Variants in CELSR2 observed in about 807,000 individuals in gnomAD.
CELSR2 encodes the protein cadherin EGF LAG seven-pass G-type receptor 2, also known as EGF-like protein 2.
CELSR2 carries 81 observed loss-of-function variants against 251.6 expected under a neutral mutation model. The ratio of observed to expected loss-of-function variants is 0.32; its 90% confidence interval spans 0.27 to 0.39. CELSR2 has a LOEUF of 0.39. CELSR2 is among the 10% of genes least tolerant of loss of function. The pLI, the probability that CELSR2 is intolerant of heterozygous loss-of-function variation, is 1.00. For missense variants in CELSR2, 3,365 were observed against 3,947.7 expected, an observed-to-expected ratio of 0.85 and a Z score of 3.96; for synonymous variants, 1,721 against 1,670.5, an observed-to-expected ratio of 1.03 and a Z score of -0.74.
In CELSR2 at chr1:109,273,229, G is replaced by T. The variant is rs201868117; in HGVS notation, c.8402G>T (p.Ser2801Ile). ...PGDFGTTAKESSGNGAPEERL... is the reference protein window; with the variant it reads ...PGDFGTTAKEISGNGAPEERL... ...GACTTTGGGACCACAGCAAAAGAGA[G>T]TAGTGGCAACGGGGCCCCTGAGGAG... The change falls in exon 32 of 34, where the codon AGT becomes ATT. Residue 2801 changes from serine (S) to isoleucine (I), a missense_variant. Physicochemically the swap from Ser to Ile is moderately radical, Grantham distance 142 (BLOSUM62 -2). This residue lies in a region of CELSR2 where 2,093 missense variants were observed against 2,382.8 expected (regional missense o/e 0.88). Coordinates refer to ENST00000271332, the MANE Select transcript of CELSR2 (RefSeq NM_001408.3). 2 of 1,613,592 alleles carry T rather than the reference G, an allele frequency of 1.2e-6. No homozygotes were observed. Among genetic ancestry groups the T allele is most frequent in the Admixed American group, 1.7e-5 (1 of 59,904 alleles).
rs150411435 is a variant in CELSR2 at position 109,252,662 on chromosome 1, C to T, written c.2583C>T (p.Asp861=). ...CCTTCCAAGGAGGCGACGATGGAGA[C>T]GGTGACTTTATTGTTGAGTCCACGT... ...FYTFQGGDDG[D]GDFIVESTSG... Residue 861 remains aspartate (D), a synonymous_variant, in exon 1 of 34, where the codon GAC becomes GAT. Transcript: ENST00000271332. The surrounding 1 kb of genome is among the most constrained non-coding windows in gnomAD (Gnocchi z 4.8). 6.7e-4 allele frequency: 1,082 copies of T among 1,613,902 alleles called. 21 individuals carry two copies. The South Asian group carries it at 0.011, about 17-fold the overall frequency.
chr1:109,272,292 C>T lies in CELSR2; in HGVS notation c.7941C>T (p.Pro2647=). 2.5e-6 allele frequency: 4 copies of T among 1,603,632 alleles called. No homozygotes were observed. The highest frequency in any genetic ancestry group is 3.4e-6 in the Non-Finnish European group (4 of 1,172,808). The change falls in exon 29 of 34, where the codon CCC becomes CCT. Residue 2647 remains proline (P), a synonymous_variant. Transcript: ENST00000271332. Reference sequence around the variant, plus strand: ...TCCCTGCCTAGTCCTACAACTGCCCCAGCCCCTACGCAGATGGGCGGCTGT... The same window carrying T: ...TCCCTGCCTAGTCCTACAACTGCCCTAGCCCCTACGCAGATGGGCGGCTGT... ...KSTLTSSYNC[P]SPYADGRLYQ... is the part of the protein sequence containing the mutation.
In CELSR2 at chr1:109,269,285, C is replaced by G; in HGVS notation, c.6807C>G (p.Ser2269Arg). The change falls in exon 20 of 34, where the codon AGC becomes AGG. Residue 2269 changes from serine to arginine, a missense_variant. By Grantham distance (110) the Ser-to-Arg change is moderately radical. Around this residue, in one of 5 missense-constraint regions of CELSR2, gnomAD observed 2,093 missense variants for 2,382.8 expected, o/e 0.88. Coordinates refer to ENST00000271332, the MANE Select transcript of CELSR2 (RefSeq NM_001408.3). This position sits in a 1 kb window ranked among gnomAD's most constrained non-coding sequence, Gnocchi z 6.4. ...LPHNYDPDKR[S>R]LRVPKRPIIN... The stretch of plus-strand genomic sequence containing the variant: ...ATAACTATGACCCTGACAAGCGCAG[C>G]TTGAGGTCAGCAGCTAGGGGACAGG... The G allele has an allele frequency of 1.2e-6, 2 of 1,613,224 alleles. No homozygotes were observed. The highest frequency in any genetic ancestry group is 1.7e-6 in the Non-Finnish European group (2 of 1,179,974).
At position 109,271,031 on chromosome 1, in the gene CELSR2, G is replaced by T. The variant is rs778430064; in HGVS notation, c.7588G>T (p.Ala2530Ser). The change falls in exon 25 of 34, where the codon GCC becomes TCC. Residue 2530 changes from alanine (A) to serine (S), a missense_variant. By Grantham distance (99) the Ala-to-Ser change is moderately conservative. Coordinates refer to ENST00000271332, the MANE Select transcript of CELSR2 (RefSeq NM_001408.3). ...GAGTTTTGCTGGCCCGGTGGCCTTTGCCGTCTCGGTGAGTGCTAGCAGGTG... is the reference window on the plus strand; with the variant it reads ...GAGTTTTGCTGGCCCGGTGGCCTTTTCCGTCTCGGTGAGTGCTAGCAGGTG... Reference protein sequence around the residue: ...IWSFAGPVAFAVSMSVFLYIL... With the variant: ...IWSFAGPVAFSVSMSVFLYIL... 6.2e-7 allele frequency: 1 copy of T among 1,613,200 alleles called. No individual in the cohort carries two copies. Among genetic ancestry groups the T allele is most frequent in the Non-Finnish European group, 8.5e-7 (1 of 1,179,616 alleles).
intron 10 of CELSR2, 41 bp downstream of exon 10, chr1:109,264,406 C>T (rs781123820): frequency 1.3e-6 from 2 of 1,597,266 alleles, no homozygotes; most frequent in Non-Finnish European, 1.7e-6. Context: ...TCCCCCACCA[C>T]CTGCAGCCCC....
chr1:109,255,234 C>T (rs1655813160), intron 1 of CELSR2, among the ~76,000 whole-genome samples: 1 of 152,214 alleles, frequency 6.6e-6, no homozygotes, highest in Non-Finnish European at 1.5e-5. Flanking sequence ...TTTTCCTCCT[C>T]TTGTTCTTTG....
At chr1:109,263,844 ACAGAAGTGGCTGGG>A in intron 9 of CELSR2, 67 bp downstream of exon 9, 1 of 1,560,740 alleles carries the variant, frequency 6.4e-7, no homozygotes, top group Non-Finnish European at 8.6e-7. Flanking sequence ...AGGCGGCTGG[ACAGAAGTGGCTGGG>A]CAGGTCCTGG....
At position 109,262,792 on chromosome 1, in the gene CELSR2, C is replaced by G. The variant is rs1169051765; in HGVS notation, c.4545-14C>G. On this transcript the variant is annotated splice_polypyrimidine_tract_variant and intron_variant, in intron 6 of 33. Coordinates refer to ENST00000271332, the MANE Select transcript of CELSR2 (RefSeq NM_001408.3). ...CAGCCCTCCCTTGTGCCGCCACCAT[C>G]TTTGCTCCCCCAGGTCTCTGGATCT... 5.0e-6 allele frequency: 8 copies of G among 1,607,026 alleles called. No homozygotes were observed. The highest frequency in any genetic ancestry group is 6.8e-6 in the Non-Finnish European group (8 of 1,175,248).
chr1:109,269,515 G>A lies in CELSR2; in HGVS notation c.6904G>A (p.Val2302Ile), dbSNP rs765351473. The A allele has an allele frequency of 1.4e-5, 23 of 1,614,120 alleles. No homozygotes were observed. Among genetic ancestry groups the A allele is most frequent in the Non-Finnish European group, 1.7e-5 (20 of 1,180,032 alleles). The change falls in exon 21 of 34, where the codon GTC becomes ATC. Residue 2302 changes from valine to isoleucine, a missense_variant. Coordinates refer to ENST00000271332, the MANE Select transcript of CELSR2 (RefSeq NM_001408.3). The surrounding 1 kb of genome is among the most constrained non-coding windows in gnomAD (Gnocchi z 6.4). ...ELLPRALDKP[V>I]TVQFRLLETE... Reference sequence around the variant, plus strand: ...TCTGCCCCGGGCCCTGGACAAACCCGTCACGGTGCAGTTCCGCCTGCTGGA... The same window carrying A: ...TCTGCCCCGGGCCCTGGACAAACCCATCACGGTGCAGTTCCGCCTGCTGGA...
At position 109,251,086 on chromosome 1, in the gene CELSR2, C is replaced by T; in HGVS notation, c.1007C>T (p.Pro336Leu). Residue 336 changes from proline to leucine, a missense_variant, in exon 1 of 34, where the codon CCC becomes CTC. Transcript: ENST00000271332. This position sits in a 1 kb window ranked among gnomAD's most constrained non-coding sequence, Gnocchi z 4.9. The stretch of plus-strand genomic sequence containing the variant: ...CTGCTGGAGGGGTCTGGGGGCAGCC[C>T]CTCTGAAGTCTTTGAGATCGACCCT... Reference protein sequence around the residue: ...YRLLEGSGGSPSEVFEIDPRS... With the variant: ...YRLLEGSGGSLSEVFEIDPRS... 2 of 1,613,444 alleles carry T rather than the reference C, an allele frequency of 1.2e-6. No homozygotes were observed. Among genetic ancestry groups the T allele is most frequent in the South Asian group, 2.2e-5 (2 of 91,052 alleles).
At chr1:109,259,408 C>T (rs1308980722) in intron 2 of CELSR2, among the ~76,000 whole-genome samples, 3 of 152,158 alleles carry the variant, frequency 2.0e-5, no homozygotes, top group Admixed American at 1.3e-4. Context: ...TTCTGGCCCT[C>T]GGTTATTTGA....
chr1:109,255,898 A>G (rs543704919), intron 1 of CELSR2, among the ~76,000 whole-genome samples: 1 of 152,350 alleles, frequency 6.6e-6, no homozygotes, highest in African/African-American at 2.4e-5. Flanking sequence ...GGGAAGCAAC[A>G]GAGACATGCT....
rs764581244 is a variant in CELSR2, at chr1:109,258,956, G to A, written c.3835G>A (p.Gly1279Ser). ...AGGGCTGCGCTGCCGCTGCCCGCCC[G>A]GCTTCACGGGTGACTACTGCGAGAC... The part of the protein sequence containing the change: ...VGGLRCRCPP[G>S]FTGDYCETEV... The change falls in exon 2 of 34, where the codon GGC becomes AGC. Residue 1279 changes from glycine (G) to serine (S), a missense_variant. Physicochemically the swap from Gly to Ser is moderately conservative, Grantham distance 56 (BLOSUM62 0). Coordinates refer to ENST00000271332, the MANE Select transcript of CELSR2 (RefSeq NM_001408.3). 8.7e-6 allele frequency: 14 copies of A among 1,611,282 alleles called. No homozygotes were observed. The highest frequency in any genetic ancestry group is 5.5e-5 in the South Asian group (5 of 91,020).
At chr1:109,263,411 A>C in intron 8 of CELSR2, 144 bp downstream of exon 8, 1 of 1,403,318 alleles carries the variant, frequency 7.1e-7, no homozygotes, top group South Asian at 1.4e-5. Flanking sequence ...CTGAAAGGGC[A>C]ACACAGGAGA....
intron 1 of CELSR2, among the ~76,000 whole-genome samples, chr1:109,257,589 T>C (rs559132173): frequency 6.6e-6 from 1 of 151,966 alleles, no homozygotes; most frequent in Non-Finnish European, 1.5e-5. Context: ...GGCATTTGGG[T>C]GTAATGGTTG....
intron 15 of CELSR2, 180 bp downstream of exon 15, chr1:109,266,386 C>A: frequency 1.4e-6 from 1 of 710,632 alleles, no homozygotes; most frequent in Non-Finnish European, 2.3e-6. Flanking sequence ...CCAGGTGTGC[C>A]TACATCTTGG....
intron 2 of CELSR2, among the ~76,000 whole-genome samples, chr1:109,260,110 G>T (rs554794639): frequency 5.3e-5 from 8 of 150,842 alleles, no homozygotes; most frequent in East Asian, 2.0e-4. Context: ...TGCTAGGGGT[G>T]GGGGGAAGGG....
At chr1:109,263,069 T>C (rs1477332828) in intron 7 of CELSR2, 73 bp from the exon 8 acceptor site, 1 of 1,579,306 alleles carries the variant, frequency 6.3e-7, no homozygotes, top group Non-Finnish European at 8.7e-7. Flanking sequence ...CAGAGGCCTC[T>C]CTAACTGCTG....
At chr1:109,270,722 C>T (rs1656348035) in intron 24 of CELSR2, 122 bp downstream of exon 24, 5 of 1,286,280 alleles carry the variant, frequency 3.9e-6, no homozygotes, top group Non-Finnish European at 5.4e-6. Context: ...CCGCCTTATT[C>T]ACAGGTGTCC....
Sources: allele counts gnomAD v4.1 joint callset (sites outside exome capture counted in the v4.1 genomes callset), GRCh38; gene constraint gnomAD v4.1.1; regional missense constraint gnomAD v4.1.1; non-coding constraint Gnocchi (gnomAD v3.1); transcripts MANE v1.5; gene names NCBI Gene and HGNC (gene_info 2026-07-23, HGNC 2026-07-21).